GALNT13: variants seen among roughly 807,000 people sequenced by gnomAD.
GALNT13 encodes the protein polypeptide N-acetylgalactosaminyltransferase 13.
A neutral mutation model predicts 64.2 loss-of-function variants in GALNT13; 28 were observed. The ratio of observed to expected loss-of-function variants is 0.44; its 90% CI spans 0.32 to 0.60. GALNT13 has a LOEUF of 0.60. GALNT13 is among the 20% of genes least tolerant of loss of function. GALNT13 has a pLI of 0.05. For missense variants in GALNT13, 577 were observed against 669.8 expected (o/e 0.86, Z 1.53); for synonymous variants, 214 against 224.6 (o/e 0.95, Z 0.42).
At chr2:154,405,262 T>C (rs1375812361) in intron 10 of GALNT13, among the ~76,000 whole-genome samples, 2 of 151,730 alleles carry the variant, frequency 1.3e-5, no homozygotes, top group Non-Finnish European at 2.9e-5. Context: ...AAGGCCAAAC[T>C]TGTAAGAACA....
chr2:153,979,436 A>T (rs1694303428), intron 3 of GALNT13, among the ~76,000 whole-genome samples: 1 of 152,132 alleles, frequency 6.6e-6, no homozygotes, highest in Non-Finnish European at 1.5e-5. Flanking sequence ...TTAAAAATAG[A>T]TTCTCTGATG....
At chr2:153,232,540 A>G in the GALNT13 span, among the ~76,000 whole-genome samples, 1 of 152,204 alleles carries the variant, frequency 6.6e-6, no homozygotes, top group Non-Finnish European at 1.5e-5. Context: ...ATCTTAATCT[A>G]TCTGCTCTCC....
At chr2:153,196,315 T>G in the GALNT13 span, among the ~76,000 whole-genome samples, 1 of 151,674 alleles carries the variant, frequency 6.6e-6, no homozygotes, top group East Asian at 2.0e-4. Flanking sequence ...TCCTTCAGAT[T>G]CCCCCTGTAT....
chr2:153,552,317 G>C, the GALNT13 span, among the ~76,000 whole-genome samples: 1 of 152,130 alleles, frequency 6.6e-6, no homozygotes, highest in Non-Finnish European at 1.5e-5. Flanking sequence ...GGGAAAAGTG[G>C]TTTTAAAAAT....
the GALNT13 span, among the ~76,000 whole-genome samples, chr2:153,325,460 T>C: frequency 2.2e-4 from 33 of 152,176 alleles, no homozygotes; most frequent in Admixed American, 1.6e-3. Flanking sequence ...CCTGGATTCA[T>C]TGATTTTTTG....
At chr2:154,241,486 A>G (rs934355008) in intron 4 of GALNT13, among the ~76,000 whole-genome samples, 2 of 152,316 alleles carry the variant, frequency 1.3e-5, no homozygotes, top group African/African-American at 2.4e-5. Context: ...GCCAGGATGC[A>G]TTTAGTAGAT....
chr2:154,217,178 C>G (rs560575481), intron 4 of GALNT13, among the ~76,000 whole-genome samples: 41 of 152,104 alleles, frequency 2.7e-4, no homozygotes, highest in Middle Eastern at 3.4e-3. Context: ...AAAATATACC[C>G]TATCATTTGC....
chr2:153,856,486 A>G, the GALNT13 span, among the ~76,000 whole-genome samples: 23 of 152,252 alleles, frequency 1.5e-4, no homozygotes, highest in African/African-American at 5.5e-4. Context: ...TGACCATTTC[A>G]CCAAAGAGAT....
chr2:153,173,018 G>T, the GALNT13 span, among the ~76,000 whole-genome samples: 1 of 151,814 alleles, frequency 6.6e-6, no homozygotes, highest in Admixed American at 6.6e-5. Flanking sequence ...TTGTATACTA[G>T]TAACTTGTAT....
chr2:154,305,582 A>C (rs1157407162), intron 9 of GALNT13, among the ~76,000 whole-genome samples: 5 of 152,162 alleles, frequency 3.3e-5, no homozygotes. Flanking sequence ...TTCTACTCTG[A>C]GATTTTATTC....
At chr2:153,672,820 T>A in the GALNT13 span, among the ~76,000 whole-genome samples, 4 of 145,804 alleles carry the variant, frequency 2.7e-5, no homozygotes, top group African/African-American at 7.6e-5. Context: ...GCAAGACTAA[T>A]AAAGAAGAAA....
the GALNT13 span, among the ~76,000 whole-genome samples, chr2:153,393,612 T>A: frequency 6.6e-6 from 1 of 152,100 alleles, no homozygotes; most frequent in Non-Finnish European, 1.5e-5. Flanking sequence ...TCGTGGTACC[T>A]GGACAGTTGG....
At chr2:154,131,787 G>C (rs1369927261) in intron 3 of GALNT13, among the ~76,000 whole-genome samples, 1 of 152,178 alleles carries the variant, frequency 6.6e-6, no homozygotes, top group Non-Finnish European at 1.5e-5. Context: ...ACAATAGGCT[G>C]TCTGTAAGCT....
At chr2:153,684,647 A>G in the GALNT13 span, among the ~76,000 whole-genome samples, 10 of 151,324 alleles carry the variant, frequency 6.6e-5, no homozygotes, top group African/African-American at 2.4e-4. Context: ...CTGTTTTTTA[A>G]ATTTTTTTTA....
the GALNT13 span, among the ~76,000 whole-genome samples, chr2:153,241,735 G>T: frequency 6.6e-6 from 1 of 151,826 alleles, no homozygotes; most frequent in Non-Finnish European, 1.5e-5. Context: ...TTGAAAAAAG[G>T]ATTTGTGAGA....
chr2:153,222,327 T>TGGGGGGGGG, the GALNT13 span, among the ~76,000 whole-genome samples: 6 of 95,582 alleles, frequency 6.3e-5, no homozygotes, highest in Non-Finnish European at 1.0e-4. Flanking sequence ...GGGGGGGGGG[T>TGGGGGGGGG]GGGGTGGGGG....
At chr2:154,016,098 A>G (rs1696985659) in intron 3 of GALNT13, among the ~76,000 whole-genome samples, 2 of 152,210 alleles carry the variant, frequency 1.3e-5, no homozygotes, top group South Asian at 4.1e-4. Flanking sequence ...CTGACAGACT[A>G]GCAAGCAATA....
intron 9 of GALNT13, among the ~76,000 whole-genome samples, chr2:154,378,961 G>A (rs34716025): frequency 0.062 from 9,374 of 151,968 alleles, 299 homozygotes; most frequent in Middle Eastern, 0.11. Context: ...GATAAACTGT[G>A]ACTTTAAAAT....
chr2:154,137,070 T>G (rs1682998107), intron 3 of GALNT13, among the ~76,000 whole-genome samples: 2 of 152,104 alleles, frequency 1.3e-5, no homozygotes, highest in Admixed American at 1.3e-4. Flanking sequence ...TAGAAACTGA[T>G]ATTTAAAGGT....
Sources: allele counts gnomAD v4.1 joint callset (sites outside exome capture counted in the v4.1 genomes callset), GRCh38; gene constraint gnomAD v4.1.1; transcripts MANE v1.5; gene names NCBI Gene and HGNC (gene_info 2026-07-23, HGNC 2026-07-21).